EIF4G3: variants seen among roughly 807,000 people sequenced by gnomAD.
EIF4G3 encodes eukaryotic translation initiation factor 4 gamma 3.
EIF4G3 carries 34 observed loss-of-function variants against 186.4 expected under a neutral mutation model. The ratio of observed to expected loss-of-function variants is 0.18; its 90% CI spans 0.14 to 0.24. The LOEUF (loss-of-function observed/expected upper bound fraction) is 0.24, where lower values mean the gene tolerates loss of function less well. Among genes scored for constraint, EIF4G3 ranks in the 10% least tolerant of loss-of-function variants. The pLI is 1.00. For synonymous variants in EIF4G3, 673 were observed against 679.5 expected (o/e 0.99, Z 0.15); for missense variants, 1,536 against 1,948.5 (o/e 0.79, Z 3.99).
At chr1:20,859,466 AT>A (rs1011347590) in intron 24 of EIF4G3, among the ~76,000 whole-genome samples, 2 of 152,250 alleles carry the variant, frequency 1.3e-5, no homozygotes, top group African/African-American at 2.4e-5. Flanking sequence ...AGTATTTACT[AT>A]CAGCCAGAAA....
chr1:21,069,408 G>A (rs553108441), intron 3 of EIF4G3, among the ~76,000 whole-genome samples: 3 of 152,076 alleles, frequency 2.0e-5, no homozygotes, highest in Non-Finnish European at 2.9e-5. Flanking sequence ...TTAAAACAAC[G>A]TATCACCATC....
In EIF4G3 at chr1:20,845,616, C is replaced by T. The variant is rs572036427; in HGVS notation, c.3888+3799G>A. On this transcript the variant is annotated intron_variant, in intron 29 of 36. Coordinates refer to ENST00000602326, the MANE Select transcript of EIF4G3 (RefSeq NM_001391906.1). ...GGTGGAGCTTGCAGTGAGCCGAGAT[C>T]GCGCCACTGCACTCCAGCCTGGGCA... Among the ~76,000 whole-genome samples the T allele has an allele frequency of 8.8e-4, 133 of 151,802 alleles. 4 individuals are homozygous for T. In the South Asian group the frequency reaches 0.018, roughly 20 times the overall value.
chr1:20,910,538 T>G (rs2093025150), intron 14 of EIF4G3, among the ~76,000 whole-genome samples: 1 of 152,060 alleles, frequency 6.6e-6, no homozygotes, highest in Non-Finnish European at 1.5e-5. Flanking sequence ...GAGCCAAGAT[T>G]ATGCCACTGC....
At chr1:21,148,659 G>A (rs984380059) in intron 2 of EIF4G3, among the ~76,000 whole-genome samples, 15 of 145,974 alleles carry the variant, frequency 1.0e-4, no homozygotes, top group African/African-American at 2.5e-4. Context: ...CCGAGATCGC[G>A]CCACTGCACT....
chr1:20,900,524 AAGAGAG>A (rs998482682), intron 15 of EIF4G3, among the ~76,000 whole-genome samples: 1 of 147,490 alleles, frequency 6.8e-6, no homozygotes, highest in Non-Finnish European at 1.5e-5. Flanking sequence ...AAAAAAAAAA[AAGAGAG>A]AGAGAGAAAA....
chr1:21,011,228 GA>G (rs909839192), intron 4 of EIF4G3, among the ~76,000 whole-genome samples: 21 of 136,250 alleles, frequency 1.5e-4, no homozygotes, highest in Non-Finnish European at 2.2e-4. Context: ...AAAAAGGAAA[GA>G]AAAAAAAAAG....
intron 3 of EIF4G3, among the ~76,000 whole-genome samples, chr1:21,078,352 G>A (rs957700041): frequency 6.6e-6 from 1 of 151,988 alleles, no homozygotes; most frequent in African/African-American, 2.4e-5. Context: ...GCCAAGCAAA[G>A]AAAGAAAAAT....
intron 9 of EIF4G3, 106 bp from the exon 10 acceptor site, chr1:20,980,554 G>T: frequency 2.7e-6 from 2 of 748,014 alleles, no homozygotes; most frequent in Non-Finnish European, 4.1e-6. Flanking sequence ...AAAGTTCTCT[G>T]TGTAAGAGAA....
Position 20,899,999 on chromosome 1 carries a change from T to TAA in EIF4G3, c.1753-58_1753-57dup. The TAA allele has an allele frequency of 2.6e-6, 4 of 1,527,558 alleles. No individual in the cohort carries two copies. The South Asian group carries it at 5.1e-5, about 19-fold the overall frequency. The allele number at this position is 1,527,558 out of a possible 1,614,324, so 94.6% of individuals were successfully genotyped here. On this transcript the variant is annotated intron_variant, in intron 15 of 36. Transcript: ENST00000602326. ...TTTTTTCCACGGGTGTAAATATACA[T>TAA]AAAAACCTACATCTACTCCCTTCAA...
chr1:21,090,910 G>T (rs1457906650), intron 2 of EIF4G3, among the ~76,000 whole-genome samples: 1 of 151,962 alleles, frequency 6.6e-6, no homozygotes, highest in Non-Finnish European at 1.5e-5. Flanking sequence ...AATGCAAAGG[G>T]TCTTTTTCTA....
chr1:20,832,453 GTTGT>G (rs1190326127), intron 30 of EIF4G3, among the ~76,000 whole-genome samples: 1 of 110,276 alleles, frequency 9.1e-6, no homozygotes, highest in Non-Finnish European at 2.0e-5. Flanking sequence ...TTTTGATGGG[GTTGT>G]TTGTTTTTTT....
intron 18 of EIF4G3, among the ~76,000 whole-genome samples, chr1:20,888,378 T>C (rs1406419036): frequency 1.3e-5 from 2 of 152,234 alleles, no homozygotes; most frequent in Non-Finnish European, 2.9e-5. Context: ...ATTATAATTG[T>C]ATCTCTGGTT....
rs573326792 is a variant in EIF4G3, at chr1:20,895,612, C to T, written c.2000-111G>A. 1.9e-4 allele frequency: 220 copies of T among 1,154,968 alleles called. 4 individuals are homozygous for T. In the Middle Eastern group the frequency reaches 2.0e-3, roughly 11 times the overall value. The allele number at this position is 1,154,968 out of a possible 1,614,324, so 71.5% of individuals were successfully genotyped here. ...ACTGCATATACAACTGCATATACAA[C>T]ATTATAGCCCATAAGGCTATAATGA... On this transcript the variant is annotated intron_variant, in intron 16 of 36. Coordinates refer to ENST00000602326, the MANE Select transcript of EIF4G3 (RefSeq NM_001391906.1).
chr1:20,863,136 T>A (rs2076718060), intron 22 of EIF4G3, among the ~76,000 whole-genome samples: 1 of 152,208 alleles, frequency 6.6e-6, no homozygotes, highest in African/African-American at 2.4e-5. Context: ...AAATAAAGAC[T>A]ACATTTTTCT....
chr1:20,972,296 T>C (rs1319656713), intron 11 of EIF4G3, among the ~76,000 whole-genome samples: 1 of 152,238 alleles, frequency 6.6e-6, no homozygotes, highest in Non-Finnish European at 1.5e-5. Flanking sequence ...TTCCTTGTGC[T>C]ATTTTTTTCT....
chr1:20,877,223 T>A (rs2081140123), intron 20 of EIF4G3, among the ~76,000 whole-genome samples: 2 of 152,116 alleles, frequency 1.3e-5, no homozygotes, highest in Admixed American at 1.3e-4. Flanking sequence ...TGGGATCTAG[T>A]CCTAATTTTA....
At chr1:20,830,047 G>A (rs903885091) in intron 30 of EIF4G3, among the ~76,000 whole-genome samples, 2 of 152,032 alleles carry the variant, frequency 1.3e-5, no homozygotes, top group Non-Finnish European at 2.9e-5. Context: ...ATATAATAAA[G>A]TACAAAAGCA....
At chr1:21,075,918 C>T (rs181719688) in intron 3 of EIF4G3, among the ~76,000 whole-genome samples, 13 of 152,268 alleles carry the variant, frequency 8.5e-5, no homozygotes, top group Admixed American at 5.9e-4. Flanking sequence ...AAATATCCCA[C>T]TCTCAGCATT....
chr1:20,981,445 G>T (rs945680582), intron 8 of EIF4G3, among the ~76,000 whole-genome samples: 1 of 151,828 alleles, frequency 6.6e-6, no homozygotes, highest in Non-Finnish European at 1.5e-5. Flanking sequence ...AAACAGTAGG[G>T]TGGTTTCGAC....
Sources: gnomAD v4.1 joint callset for allele counts (sites outside exome capture counted in the v4.1 genomes callset) on GRCh38, gnomAD v4.1.1 for gene constraint, MANE v1.5 for transcripts, NCBI Gene and HGNC (gene_info 2026-07-23, HGNC 2026-07-21) for gene names.